ARHGEF11: variants seen among roughly 807,000 people sequenced by gnomAD.
The protein encoded by ARHGEF11 is Rho guanine exchange factor (GEF) 11.
In ARHGEF11, 55 loss-of-function variants were observed where a neutral mutation model predicts 193.7. The ratio of observed to expected loss-of-function variants is 0.28; its 90% CI spans 0.23 to 0.36. The LOEUF (loss-of-function observed/expected upper bound fraction) is 0.36, where lower values mean the gene tolerates loss of function less well. Ranked by LOEUF, ARHGEF11 falls within the 10% of genes least tolerant of loss-of-function variation. The pLI is 1.00. For synonymous variants in ARHGEF11, 693 were observed against 768.0 expected, an observed-to-expected ratio of 0.90 and a Z score of 1.62; for missense variants, 1,723 against 2,005.6, an observed-to-expected ratio of 0.86 and a Z score of 2.69.
intron 7 of ARHGEF11, 35 bp from the exon 8 acceptor site, chr1:156,971,851 A>G (rs1354021119): frequency 6.3e-7 from 1 of 1,598,988 alleles, no homozygotes; most frequent in East Asian, 2.2e-5. Context: ...GGGGAGGGGA[A>G]AAGGCAGAGG....
intron 8 of ARHGEF11, 129 bp downstream of exon 8, chr1:156,971,568 T>A (rs1662486809): frequency 1.6e-6 from 2 of 1,247,916 alleles, no homozygotes; most frequent in South Asian, 4.0e-5. Context: ...TGTAAAATAC[T>A]AAACACTTAC....
intron 11 of ARHGEF11, among the ~76,000 whole-genome samples, chr1:156,965,283 T>C (rs1197506760): frequency 6.6e-6 from 1 of 152,166 alleles, no homozygotes; most frequent in African/African-American, 2.4e-5. Context: ...GATAGACGCC[T>C]GAACCCCTTA....
chr1:156,941,249 CTT>C, intron 35 of ARHGEF11, 121 bp downstream of exon 35: 1 of 862,638 alleles, frequency 1.2e-6, no homozygotes, highest in Non-Finnish European at 1.9e-6. Flanking sequence ...CTTCTCTACT[CTT>C]TATCAAAACC....
chr1:157,040,498 G>C (rs960541400), intron 1 of ARHGEF11, among the ~76,000 whole-genome samples: 5 of 152,186 alleles, frequency 3.3e-5, no homozygotes, highest in African/African-American at 1.2e-4. Context: ...ATCACTAACA[G>C]ACATTTAAGG....
At position 156,944,053 on chromosome 1, in the gene ARHGEF11, C is replaced by T; in HGVS notation, c.3117G>A (p.Gln1039=). 2.5e-6 allele frequency: 4 copies of T among 1,614,168 alleles called. No individual in the cohort carries two copies. Among genetic ancestry groups the T allele is most frequent in the South Asian group, 2.2e-5 (2 of 91,080 alleles). The change falls in exon 32 of 41, where the codon CAG becomes CAA. Residue 1039 remains glutamine, a synonymous_variant. Coordinates refer to ENST00000368194, the MANE Select transcript of ARHGEF11 (RefSeq NM_198236.3). ...GGCACTTCAGCAATAGCTTCTCATCCTGTTTCTGTAGCAGCACTAGGAGGT... is the reference window on the plus strand; with the variant it reads ...GGCACTTCAGCAATAGCTTCTCATCTTGTTTCTGTAGCAGCACTAGGAGGT... The part of the protein sequence containing the change: ...LEDLLVLLQK[Q]DEKLLLKCHS...
chr1:156,948,095 C>A lies in ARHGEF11; in HGVS notation c.2153+86G>T. 1.9e-6 allele frequency: 3 copies of A among 1,539,078 alleles called. No homozygotes were observed. The highest frequency in any genetic ancestry group is 3.8e-5 in the Admixed American group (2 of 53,172). ...CCCAGAAGAGGAGACAGCCACCCAA[C>A]CAGCCCCTTGCAGGTGAGAGGAGCA... On this transcript the variant is annotated intron_variant, in intron 24 of 40. Coordinates refer to ENST00000368194, the MANE Select transcript of ARHGEF11 (RefSeq NM_198236.3). This position sits in a 1 kb window ranked among gnomAD's most constrained non-coding sequence, Gnocchi z 4.2.
At position 156,939,593 on chromosome 1, in the gene ARHGEF11, C is replaced by G; in HGVS notation, c.4051G>C (p.Ala1351Pro). The G allele has an allele frequency of 6.2e-7, 1 of 1,613,224 alleles. No homozygotes were observed. The highest frequency in any genetic ancestry group is 8.5e-7 in the Non-Finnish European group (1 of 1,180,018). The stretch of plus-strand genomic sequence containing the variant: ...CCTCCTGCTGCCTCTGTGCTTGAAG[C>G]ATCTTCAGCCAGATTCCTGTCCAGT... The part of the protein sequence containing the change: ...PELDRNLAED[A>P]SSTEAAGGYK... Residue 1351 changes from alanine to proline, a missense_variant, in exon 37 of 41, where the codon GCT (alanine) becomes CCT (proline). Ala to Pro is a conservative substitution (Grantham distance 27). Transcript: ENST00000368194.
intron 28 of ARHGEF11, 106 bp downstream of exon 28, chr1:156,946,556 G>A: frequency 6.7e-7 from 1 of 1,484,806 alleles, no homozygotes; most frequent in Non-Finnish European, 9.3e-7. Flanking sequence ...AGGGTAGAGG[G>A]AGTTGCTGTA....
intron 1 of ARHGEF11, among the ~76,000 whole-genome samples, chr1:157,000,963 G>T (rs912610751): frequency 2.0e-5 from 3 of 152,180 alleles, no homozygotes; most frequent in African/African-American, 7.2e-5. Context: ...AGAAGGGCGT[G>T]CAGACAGGGG....
intron 30 of ARHGEF11, 123 bp downstream of exon 30, chr1:156,944,896 T>C (rs1367189211): frequency 2.0e-5 from 27 of 1,318,022 alleles, no homozygotes; most frequent in Middle Eastern, 2.7e-4. Flanking sequence ...TGGGGCTCCA[T>C]TGTGCCACCC....
intron 1 of ARHGEF11, among the ~76,000 whole-genome samples, chr1:157,029,390 G>C (rs1671036130): frequency 6.6e-6 from 1 of 152,022 alleles, no homozygotes; most frequent in Non-Finnish European, 1.5e-5. Context: ...CTGCCTCTCA[G>C]CCTCCTGAGT....
At chr1:156,940,159 T>C (rs1306426896) in intron 36 of ARHGEF11, 48 bp downstream of exon 36, 2 of 1,523,120 alleles carry the variant, frequency 1.3e-6, no homozygotes, top group Non-Finnish European at 1.8e-6. Flanking sequence ...TCACACTGGG[T>C]GTGCGACTGG....
intron 38 of ARHGEF11, 133 bp from the exon 39 acceptor site, chr1:156,937,629 TG>T: frequency 1.0e-6 from 1 of 958,306 alleles, no homozygotes. Flanking sequence ...TCAGAGAACG[TG>T]GGCCTTGCTC....
intron 33 of ARHGEF11, 99 bp downstream of exon 33, chr1:156,942,591 T>C: frequency 2.8e-6 from 3 of 1,089,704 alleles, no homozygotes; most frequent in Non-Finnish European, 4.1e-6. Context: ...AGGGACTGCT[T>C]TGGGGCCCAA....
At chr1:156,941,828 G>A in intron 34 of ARHGEF11, 36 bp downstream of exon 34, 1 of 1,570,188 alleles carries the variant, frequency 6.4e-7, no homozygotes, top group Non-Finnish European at 8.6e-7. Flanking sequence ...GTTTGGAGTG[G>A]AGAGAGTGCA....
At chr1:156,956,667 A>G in intron 18 of ARHGEF11, 103 bp from the exon 19 acceptor site, 1 of 1,513,502 alleles carries the variant, frequency 6.6e-7, no homozygotes, top group Admixed American at 2.0e-5. Context: ...AGGGGTAGTT[A>G]CAGGTGAAAG....
chr1:156,968,315 T>C (rs1662000399), intron 10 of ARHGEF11, among the ~76,000 whole-genome samples, 191 bp from the exon 11 acceptor site: 1 of 152,206 alleles, frequency 6.6e-6, no homozygotes, highest in Non-Finnish European at 1.5e-5. Context: ...AGTAGCCCTT[T>C]GAGGTAGATA....
intron 4 of ARHGEF11, among the ~76,000 whole-genome samples, chr1:156,979,834 T>C (rs1279727231): frequency 6.6e-6 from 1 of 152,242 alleles, no homozygotes; most frequent in Non-Finnish European, 1.5e-5. Flanking sequence ...CATTCCTTAA[T>C]TTGTTCATTC....
chr1:156,971,923 A>T, intron 7 of ARHGEF11, 107 bp from the exon 8 acceptor site: 5 of 1,378,932 alleles, frequency 3.6e-6, no homozygotes, highest in Non-Finnish European at 4.9e-6. Flanking sequence ...CCCAAAACAA[A>T]GATGAGAGAG....
Sources: gnomAD v4.1 joint callset for allele counts (sites outside exome capture counted in the v4.1 genomes callset) on GRCh38, gnomAD v4.1.1 for gene constraint, Gnocchi (gnomAD v3.1) non-coding constraint, MANE v1.5 for transcripts, NCBI Gene and HGNC (gene_info 2026-07-23, HGNC 2026-07-21) for gene names.